The following NAV2 variants were observed in gnomAD, a reference collection of about 807,000 sequenced individuals.
NAV2 encodes neuron navigator 2.
Under a neutral mutation model 223.2 loss-of-function variants are expected in NAV2, and 54 were observed. The observed-to-expected ratio is 0.24, with a 90% CI of 0.19 to 0.30. The LOEUF is 0.30. Ranked by LOEUF, NAV2 falls within the 10% of genes least tolerant of loss-of-function variation. The probability of loss-of-function intolerance (pLI) is 1.00; values close to 1 mark genes in which losing one functional copy is unlikely to be tolerated. For synonymous variants in NAV2, 1,279 were observed against 1,239.3 expected (o/e 1.03, Z -0.67); for missense variants, 2,806 against 3,147.5 (o/e 0.89, Z 2.60).
intron 10 of NAV2, among the ~76,000 whole-genome samples, chr11:19,977,866 ACAGT>A (rs1288247799): frequency 2.1e-5 from 3 of 141,526 alleles, no homozygotes; most frequent in Non-Finnish European, 4.5e-5. Context: ...GTGCAATGGC[ACAGT>A]CTCGGCTCAC....
chr11:20,047,526 G>T (rs1282078380), intron 14 of NAV2, among the ~76,000 whole-genome samples: 1 of 152,170 alleles, frequency 6.6e-6, no homozygotes, highest in Non-Finnish European at 1.5e-5. Flanking sequence ...ATGAGATTTG[G>T]GTTTCCTAAT....
chr11:19,788,645 T>G (rs2057309803), intron 1 of NAV2, among the ~76,000 whole-genome samples: 1 of 152,176 alleles, frequency 6.6e-6, no homozygotes, highest in South Asian at 2.1e-4. Flanking sequence ...TTTAAGCACA[T>G]GTCAGTCTGC....
At chr11:20,052,570 G>A (rs2058081187) in intron 17 of NAV2, among the ~76,000 whole-genome samples, 1 of 152,184 alleles carries the variant, frequency 6.6e-6, no homozygotes, top group African/African-American at 2.4e-5. Context: ...TGTTAACATT[G>A]TGAAATGGTG....
In NAV2 at chr11:20,048,832, G is replaced by A; in HGVS notation, c.4007G>A (p.Gly1336Asp). ...CCTCATGCCACCATGACTCAGCAAG[G>A]TAACCTAGACTCCCCGTCAGGCAGT... ...SNPHATMTQQGNLDSPSGSGV... is the reference protein window; with the variant it reads ...SNPHATMTQQDNLDSPSGSGV... Residue 1336 changes from glycine (G) to aspartate (D), a missense_variant, in exon 15 of 38, where the codon GGT (glycine) becomes GAT (aspartate). Transcript: ENST00000349880. The A allele has an allele frequency of 6.2e-7, 1 of 1,614,134 alleles. No individual in the cohort carries two copies.
intron 18 of NAV2, 28 bp from the exon 19 acceptor site, chr11:20,055,741 C>T (rs914920943): frequency 3.1e-6 from 5 of 1,602,092 alleles, no homozygotes; most frequent in Non-Finnish European, 4.3e-6. Flanking sequence ...GAATGTCTAA[C>T]CTTTTGATTC....
chr11:19,359,969 C>T (rs776614283), intron 1 of NAV2, among the ~76,000 whole-genome samples: 28 of 152,184 alleles, frequency 1.8e-4, no homozygotes, highest in Non-Finnish European at 3.7e-4. Flanking sequence ...CATCACTACT[C>T]GTCTCTTTTA....
At chr11:19,970,121 A>G (rs2153426454) in intron 10 of NAV2, among the ~76,000 whole-genome samples, 1 of 152,296 alleles carries the variant, frequency 6.6e-6, no homozygotes, top group Non-Finnish European at 1.5e-5. Flanking sequence ...GTGGATGACT[A>G]AAACCATGGA....
intron 1 of NAV2, among the ~76,000 whole-genome samples, chr11:19,389,300 G>A (rs147629723): frequency 1.1e-4 from 16 of 152,220 alleles, no homozygotes; most frequent in Non-Finnish European, 1.9e-4. Flanking sequence ...GGAGGTAGAA[G>A]CCTTTAAGAT....
intron 1 of NAV2, among the ~76,000 whole-genome samples, chr11:19,472,159 C>T (rs1478340096): frequency 6.6e-6 from 1 of 152,176 alleles, no homozygotes; most frequent in Non-Finnish European, 1.5e-5. Context: ...GTGTTTTCTG[C>T]AATCCCTTTC....
chr11:19,514,469 C>A (rs1170880169), intron 1 of NAV2, among the ~76,000 whole-genome samples: 1 of 152,220 alleles, frequency 6.6e-6, no homozygotes, highest in Admixed American at 6.5e-5. Context: ...CCCCTTTAGG[C>A]CACAGGATTC....
chr11:19,665,934 A>G (rs1445068483), intron 1 of NAV2, among the ~76,000 whole-genome samples: 2 of 152,088 alleles, frequency 1.3e-5, no homozygotes, highest in African/African-American at 2.4e-5. Flanking sequence ...CATCATCATC[A>G]TCGTCATCAT....
intron 1 of NAV2, among the ~76,000 whole-genome samples, chr11:19,590,208 G>T (rs148320851): frequency 6.6e-6 from 1 of 152,178 alleles, no homozygotes; most frequent in African/African-American, 2.4e-5. Flanking sequence ...ATTTATAACG[G>T]TTCCTGGCAC....
At chr11:20,023,696 CTGGGTG>C (rs1238550251) in intron 11 of NAV2, among the ~76,000 whole-genome samples, 4 of 80,420 alleles carry the variant, frequency 5.0e-5, no homozygotes, top group South Asian at 5.1e-4. Context: ...CAGCAAATTG[CTGGGTG>C]TGTGTGTGTG....
chr11:20,086,588 C>A (rs1592074141), intron 26 of NAV2, among the ~76,000 whole-genome samples: 1 of 152,256 alleles, frequency 6.6e-6, no homozygotes, highest in East Asian at 1.9e-4. Context: ...CACCCCAACC[C>A]CAGATCTACA....
chr11:19,951,599 G>C (rs1366417497), intron 10 of NAV2, among the ~76,000 whole-genome samples: 1 of 151,088 alleles, frequency 6.6e-6, no homozygotes, highest in Non-Finnish European at 1.5e-5. Context: ...TTTTATTGTC[G>C]AACCAGTCTT....
At chr11:19,904,152 C>T (rs1591163836) in intron 6 of NAV2, among the ~76,000 whole-genome samples, 1 of 152,134 alleles carries the variant, frequency 6.6e-6, no homozygotes, top group Non-Finnish European at 1.5e-5. Context: ...AATTCTAAAC[C>T]AGACTGTATA....
At chr11:19,903,430 A>T (rs1043274324) in intron 6 of NAV2, among the ~76,000 whole-genome samples, 4 of 152,146 alleles carry the variant, frequency 2.6e-5, no homozygotes, top group African/African-American at 9.7e-5. Flanking sequence ...AAGGCTCCCC[A>T]AACTTTGTGG....
intron 36 of NAV2, 105 bp downstream of exon 36, chr11:20,107,887 T>TTGTCACCCCATGTCA: frequency 1.3e-6 from 1 of 784,232 alleles, no homozygotes; most frequent in Non-Finnish European, 2.2e-6. Flanking sequence ...TGACATGGGG[T>TTGTCACCCCATGTCA]GACAACCCCT....
At chr11:19,447,837 C>G (rs542453165) in intron 1 of NAV2, among the ~76,000 whole-genome samples, 4 of 152,262 alleles carry the variant, frequency 2.6e-5, no homozygotes, top group Admixed American at 2.6e-4. Flanking sequence ...TCAGCAGGTC[C>G]TTCTGCTGGA....
Sources: gnomAD v4.1 joint callset for allele counts (sites outside exome capture counted in the v4.1 genomes callset) on GRCh38, gnomAD v4.1.1 for gene constraint, MANE v1.5 for transcripts, NCBI Gene and HGNC (gene_info 2026-07-23, HGNC 2026-07-21) for gene names.